Variants in SCCPDH observed in about 807,000 individuals in gnomAD.
SCCPDH encodes the protein saccharopine dehydrogenase (putative).
A neutral mutation model predicts 51.5 loss-of-function variants in SCCPDH; 34 were observed. The observed-to-expected ratio is 0.66, with a 90% CI of 0.50 to 0.88. The LOEUF (loss-of-function observed/expected upper bound fraction) is 0.88. Ranked by LOEUF, SCCPDH falls within the 40% of genes least tolerant of loss-of-function variation. SCCPDH has a pLI of 0.00. For synonymous variants in SCCPDH, 187 were observed against 191.3 expected (o/e 0.98, Z 0.19); for missense variants, 464 against 527.1 (o/e 0.88, Z 1.17).
At chr1:246,736,741 A>T (rs573070735) in intron 3 of SCCPDH, among the ~76,000 whole-genome samples, 1 of 152,188 alleles carries the variant, frequency 6.6e-6, no homozygotes, top group African/African-American at 2.4e-5. Context: ...CCTTTATAAC[A>T]TTACAGAAAA....
chr1:246,741,555 C>T (rs1668676400), intron 4 of SCCPDH, among the ~76,000 whole-genome samples: 1 of 152,024 alleles, frequency 6.6e-6, no homozygotes, highest in Admixed American at 6.6e-5. Context: ...ACCTTGGCCT[C>T]GCAGAGTGCT....
At position 246,736,045 on chromosome 1, in the gene SCCPDH, G is replaced by A. The variant is rs1206342073; in HGVS notation, c.374G>A (p.Gly125Glu). The A allele has an allele frequency of 8.1e-6, 13 of 1,606,602 alleles. No individual in the cohort carries two copies. Among genetic ancestry groups the A allele is most frequent in the Non-Finnish European group, 1.1e-5 (13 of 1,174,424 alleles). Residue 125 changes from glycine to glutamate, a missense_variant, in exon 3 of 12, where the codon GGA becomes GAA. Transcript: ENST00000366510. ...GGAGCCAGTTGTATCGACATCAGTGGAGAACCTCAGGTATAAAAAATAAAA... is the reference window on the plus strand; with the variant it reads ...GGAGCCAGTTGTATCGACATCAGTGAAGAACCTCAGGTATAAAAAATAAAA... ...ENGASCIDISGEPQFLELMQL... is the reference protein window; with the variant it reads ...ENGASCIDISEEPQFLELMQL...
intron 5 of SCCPDH, among the ~76,000 whole-genome samples, chr1:246,746,337 G>C (rs959226132): frequency 1.2e-4 from 18 of 152,142 alleles, no homozygotes; most frequent in African/African-American, 4.3e-4. Context: ...GAACAGGACA[G>C]GGATTTTCAC....
At chr1:246,742,590 T>C (rs905012145) in intron 4 of SCCPDH, among the ~76,000 whole-genome samples, 6 of 152,206 alleles carry the variant, frequency 3.9e-5, no homozygotes, top group Non-Finnish European at 7.3e-5. Flanking sequence ...ATGATCTGCT[T>C]TTTATTTTTG....
intron 5 of SCCPDH, among the ~76,000 whole-genome samples, chr1:246,752,493 T>C (rs998209946): frequency 6.6e-6 from 1 of 152,230 alleles, no homozygotes; most frequent in Non-Finnish European, 1.5e-5. Context: ...TAGGGAGACA[T>C]ACAGGGTTTA....
chr1:246,752,967 GTC>G (rs1668873914), intron 5 of SCCPDH, among the ~76,000 whole-genome samples: 1 of 150,920 alleles, frequency 6.6e-6, no homozygotes, highest in East Asian at 1.9e-4. Flanking sequence ...CTTCGTCTGT[GTC>G]TCTGTCTCTC....
chr1:246,730,009 C>T (rs1239936157), intron 2 of SCCPDH, among the ~76,000 whole-genome samples: 1 of 152,126 alleles, frequency 6.6e-6, no homozygotes, highest in Non-Finnish European at 1.5e-5. Flanking sequence ...TTATTTCAAT[C>T]AGCATTTAAA....
At chr1:246,758,146 G>C in intron 5 of SCCPDH, 80 bp from the exon 6 acceptor site, 2 of 1,037,174 alleles carry the variant, frequency 1.9e-6, no homozygotes, top group Non-Finnish European at 2.8e-6. Context: ...AATATTGTTT[G>C]TAACAATGAT....
At chr1:246,747,418 G>A (rs1668778144) in intron 5 of SCCPDH, among the ~76,000 whole-genome samples, 1 of 152,206 alleles carries the variant, frequency 6.6e-6, no homozygotes, top group African/African-American at 2.4e-5. Context: ...GGGCACGGTG[G>A]CTCATGCCTA....
intron 9 of SCCPDH, 91 bp downstream of exon 9, chr1:246,760,318 A>G: frequency 9.3e-7 from 1 of 1,073,032 alleles, no homozygotes; most frequent in Non-Finnish European, 1.4e-6. Context: ...TATGTTTCAG[A>G]TACTCTTTTA....
chr1:246,757,715 C>A (rs1445406531), intron 5 of SCCPDH, among the ~76,000 whole-genome samples: 3 of 151,994 alleles, frequency 2.0e-5, no homozygotes, highest in Non-Finnish European at 2.9e-5. Flanking sequence ...TAACTTGGGG[C>A]TAGAGTAAGA....
At chr1:246,746,718 G>A (rs1469711667) in intron 5 of SCCPDH, among the ~76,000 whole-genome samples, 1 of 152,196 alleles carries the variant, frequency 6.6e-6, no homozygotes, top group Non-Finnish European at 1.5e-5. Flanking sequence ...GCACATTCCT[G>A]TAATCCCAGC....
At chr1:246,726,094 T>C (rs1266857669) in intron 1 of SCCPDH, among the ~76,000 whole-genome samples, 1 of 152,166 alleles carries the variant, frequency 6.6e-6, no homozygotes, top group East Asian at 1.9e-4. Context: ...GCTGACCTCG[T>C]GATCCACCCT....
chr1:246,766,671 T>C (rs573138566), intron 11 of SCCPDH, among the ~76,000 whole-genome samples: 1 of 152,202 alleles, frequency 6.6e-6, no homozygotes, highest in Non-Finnish European at 1.5e-5. Context: ...TAAAACAGGA[T>C]TAATAAAAGT....
intron 9 of SCCPDH, among the ~76,000 whole-genome samples, chr1:246,764,015 C>T (rs1415404438): frequency 1.3e-5 from 2 of 152,014 alleles, no homozygotes; most frequent in Non-Finnish European, 2.9e-5. Flanking sequence ...TTATTTCCTC[C>T]CTATTTCTTA....
chr1:246,733,373 CA>C (rs925170256), intron 2 of SCCPDH, among the ~76,000 whole-genome samples: 40 of 151,868 alleles, frequency 2.6e-4, no homozygotes, highest in African/African-American at 9.7e-4. Flanking sequence ...AGACGTGAGC[CA>C]CTGTGCCTGG....
intron 9 of SCCPDH, among the ~76,000 whole-genome samples, chr1:246,763,461 G>A (rs1669047581): frequency 6.6e-6 from 1 of 152,032 alleles, no homozygotes; most frequent in African/African-American, 2.4e-5. Context: ...TTAAATAATG[G>A]GTTCTCCTTT....
chr1:246,756,355 G>A (rs931958651), intron 5 of SCCPDH, among the ~76,000 whole-genome samples: 3 of 152,206 alleles, frequency 2.0e-5, no homozygotes, highest in Non-Finnish European at 2.9e-5. Context: ...AGGCAGGACG[G>A]AAGGAGGGCC....
intron 1 of SCCPDH, among the ~76,000 whole-genome samples, 183 bp downstream of exon 1, chr1:246,724,795 A>G (rs955990799): frequency 4.6e-5 from 7 of 152,054 alleles, no homozygotes; most frequent in Non-Finnish European, 1.0e-4. Context: ...CTCCTTAACT[A>G]TATGTGTGTG....
Sources: allele counts gnomAD v4.1 joint callset (sites outside exome capture counted in the v4.1 genomes callset), GRCh38; gene constraint gnomAD v4.1.1; transcripts MANE v1.5; gene names NCBI Gene and HGNC (gene_info 2026-07-23, HGNC 2026-07-21).